DIP2C: variants seen among roughly 807,000 people sequenced by gnomAD.
DIP2C encodes the protein DIP2 acetate--CoA ligase C (putative).
A neutral mutation model predicts 192.4 loss-of-function variants in DIP2C; 33 were observed. The observed-to-expected ratio is 0.17, with a 90% CI of 0.13 to 0.23. The LOEUF (loss-of-function observed/expected upper bound fraction) is 0.23, where lower values mean the gene tolerates loss of function less well. DIP2C is among the 10% of genes least tolerant of loss of function. The pLI, the probability that DIP2C is intolerant of heterozygous loss-of-function variation, is 1.00. For synonymous variants in DIP2C, 979 were observed against 864.1 expected, an observed-to-expected ratio of 1.13 and a Z score of -2.33; for missense variants, 1,537 against 2,110.1, an observed-to-expected ratio of 0.73 and a Z score of 5.32.
chr10:307,060 A>G (rs184344959), intron 32 of DIP2C, among the ~76,000 whole-genome samples: 413 of 151,788 alleles, frequency 2.7e-3, no homozygotes, highest in Middle Eastern at 0.024. Flanking sequence ...CCCTCCTCCC[A>G]CCACGTGATC....
intron 1 of DIP2C, among the ~76,000 whole-genome samples, chr10:583,431 G>C (rs181318584): frequency 6.6e-6 from 1 of 152,180 alleles, no homozygotes; most frequent in Admixed American, 6.5e-5. Context: ...GGTCCTTTAC[G>C]GAAGGTTCAC....
rs567556452 is a variant in DIP2C, at chr10:318,948, C to T, written c.3924+8058G>A. 3.2e-3 allele frequency among the ~76,000 whole-genome samples: 482 copies of T among 151,704 alleles called. 1 individual carries two copies. The highest frequency in any genetic ancestry group is 4.5e-3 in the Non-Finnish European group (305 of 67,916). On this transcript the variant is annotated intron_variant, in intron 31 of 36. Transcript: ENST00000280886. ...ATACAGAGTCTGGCTCTGTTTGCTC[C>T]GTCACCCAGACTAGAGTACAGTGGC...
At chr10:459,588 C>T (rs1035291044) in intron 3 of DIP2C, among the ~76,000 whole-genome samples, 3 of 152,196 alleles carry the variant, frequency 2.0e-5, no homozygotes, top group Non-Finnish European at 2.9e-5. Flanking sequence ...ACATGCTGCA[C>T]GTGGGCTCTA....
chr10:393,073 C>G (rs1244148686), intron 10 of DIP2C, among the ~76,000 whole-genome samples: 1 of 152,206 alleles, frequency 6.6e-6, no homozygotes, highest in East Asian at 1.9e-4. Context: ...GGCCTCAGTC[C>G]TCTGTCCTTG....
chr10:490,694 AT>A (rs1184710007), intron 1 of DIP2C, among the ~76,000 whole-genome samples: 3 of 152,212 alleles, frequency 2.0e-5, no homozygotes, highest in Non-Finnish European at 4.4e-5. Flanking sequence ...AGAAAAGTAA[AT>A]GCAGTAATTG....
At chr10:560,330 G>A (rs933499103) in intron 1 of DIP2C, among the ~76,000 whole-genome samples, 2 of 152,040 alleles carry the variant, frequency 1.3e-5, no homozygotes, top group Non-Finnish European at 1.5e-5. Context: ...AGTGCTCAGC[G>A]GCTGGAAGAC....
At chr10:552,667 G>C (rs926055633) in intron 1 of DIP2C, among the ~76,000 whole-genome samples, 1 of 152,158 alleles carries the variant, frequency 6.6e-6, no homozygotes, top group Non-Finnish European at 1.5e-5. Flanking sequence ...TGGCTAACAC[G>C]GTGAAACCCC....
chr10:509,466 G>A (rs572264205), intron 1 of DIP2C, among the ~76,000 whole-genome samples: 8 of 152,212 alleles, frequency 5.3e-5, no homozygotes, highest in South Asian at 2.1e-4. Flanking sequence ...ACAGCAGGTC[G>A]GAACATCCCA....
intron 1 of DIP2C, among the ~76,000 whole-genome samples, chr10:572,268 A>T: frequency 6.6e-6 from 1 of 152,066 alleles, no homozygotes; most frequent in Non-Finnish European, 1.5e-5. Context: ...CAAACATCTC[A>T]CTCATACTTG....
intron 9 of DIP2C, among the ~76,000 whole-genome samples, chr10:408,125 G>GCAAAAA (rs1964939632): frequency 6.6e-6 from 1 of 150,452 alleles, no homozygotes; most frequent in South Asian, 2.1e-4. Context: ...TTTTGCATAT[G>GCAAAAA]ATGTTAGGTA....
chr10:612,082 G>A (rs1360897482), intron 1 of DIP2C, among the ~76,000 whole-genome samples: 5 of 152,162 alleles, frequency 3.3e-5, no homozygotes, highest in Non-Finnish European at 7.3e-5. Flanking sequence ...CATCACCTGA[G>A]GTCAGGAGTT....
intron 32 of DIP2C, among the ~76,000 whole-genome samples, chr10:303,497 A>G (rs1260615255): frequency 6.6e-6 from 1 of 152,058 alleles, no homozygotes; most frequent in Non-Finnish European, 1.5e-5. Context: ...TCTTTATATC[A>G]AGTTTTCTAT....
At chr10:463,498 A>G (rs1479725377) in intron 3 of DIP2C, among the ~76,000 whole-genome samples, 1 of 152,210 alleles carries the variant, frequency 6.6e-6, no homozygotes, top group East Asian at 1.9e-4. Context: ...AGAAGAGAAG[A>G]CACAAACAAA....
Position 440,997 on chromosome 10 carries a change from C to T in DIP2C, c.269-1G>A. The T allele has an allele frequency of 6.2e-7, 1 of 1,611,808 alleles. No homozygotes were observed. ...GCCTGGACAGCTTCCGTGTGGACGT[C>T]TGAAACGGAGAGAGCTCAGTCACTC... is the stretch of plus-strand genomic sequence containing the variant. On this transcript the variant is annotated splice_acceptor_variant, in intron 3 of 36. Coordinates refer to ENST00000280886, the MANE Select transcript of DIP2C (RefSeq NM_014974.3). LOFTEE classifies it high-confidence loss of function.
At chr10:606,528 A>T (rs965920080) in intron 1 of DIP2C, among the ~76,000 whole-genome samples, 5 of 148,518 alleles carry the variant, frequency 3.4e-5, no homozygotes, top group Non-Finnish European at 7.4e-5. Context: ...CCGCTGCCGT[A>T]ATTACCTGCT....
rs1564685660 is a variant in DIP2C, at chr10:417,820, GCGCGGACAGGC to G, written c.739+1234_739+1244del. The stretch of plus-strand genomic sequence containing the variant: ...TCCCTGTCCACCTGTTCCTGTCAGG[GCGCGGACAGGC>G]CTCCCTGTCCACCTGCACCTGTCAG... On this transcript the variant is annotated intron_variant, in intron 6 of 36. Coordinates refer to ENST00000280886, the MANE Select transcript of DIP2C (RefSeq NM_014974.3). 9.7e-4 allele frequency among the ~76,000 whole-genome samples: 89 copies of G among 91,856 alleles called. 8 individuals carry two copies. The highest frequency in any genetic ancestry group is 2.7e-3 in the African/African-American group (47 of 17,238). The allele number at this position is 91,856 out of a possible 152,430, so 60.3% of individuals were successfully genotyped here.
Position 486,449 on chromosome 10 carries a change from G to T in DIP2C, c.157+10C>A. 2 of 1,595,526 alleles carry T rather than the reference G, an allele frequency of 1.3e-6. No individual in the cohort carries two copies. Among genetic ancestry groups the T allele is most frequent in the Middle Eastern group, 3.3e-4 (2 of 5,992 alleles). On this transcript the variant is annotated intron_variant, in intron 2 of 36. Coordinates refer to ENST00000280886, the MANE Select transcript of DIP2C (RefSeq NM_014974.3). ...TGAGAGGACTCATGCTACTCATGGG[G>T]GTTACCTACTCGGAGGCTGCGGAAG... is the stretch of plus-strand genomic sequence containing the variant.
intron 17 of DIP2C, among the ~76,000 whole-genome samples, chr10:373,568 T>C (rs1054253134): frequency 3.9e-5 from 6 of 152,078 alleles, no homozygotes; most frequent in African/African-American, 9.7e-5. Context: ...CTAAAACCCC[T>C]TGTGGTCTTT....
intron 1 of DIP2C, among the ~76,000 whole-genome samples, chr10:572,047 C>T (rs1295212301): frequency 2.0e-5 from 3 of 152,230 alleles, no homozygotes; most frequent in Non-Finnish European, 2.9e-5. Flanking sequence ...GCCCGAGGCT[C>T]TAGGGGTGTT....
Sources: gnomAD v4.1 joint callset for allele counts (sites outside exome capture counted in the v4.1 genomes callset) on GRCh38, gnomAD v4.1.1 for gene constraint, MANE v1.5 for transcripts, NCBI Gene and HGNC (gene_info 2026-07-23, HGNC 2026-07-21) for gene names.